The following PREX1 variants were observed in gnomAD, a reference collection of about 807,000 sequenced individuals.
The protein encoded by PREX1 is phosphatidylinositol-3,4,5-trisphosphate dependent Rac exchange factor 1.
In PREX1, 41 loss-of-function variants were observed where a neutral mutation model predicts 198.3. The observed-to-expected ratio is 0.21, with a 90% CI of 0.16 to 0.27. The LOEUF (loss-of-function observed/expected upper bound fraction) is 0.27. Ranked by LOEUF, PREX1 falls within the 10% of genes least tolerant of loss-of-function variation. The probability of loss-of-function intolerance (pLI) is 1.00; values close to 1 mark genes in which losing one functional copy is unlikely to be tolerated. For missense variants in PREX1, 1,620 were observed against 2,200.7 expected (o/e 0.74, Z 5.28); for synonymous variants, 843 against 887.2 (o/e 0.95, Z 0.89).
At chr20:48,750,290 T>TA (rs1276496123) in intron 1 of PREX1, among the ~76,000 whole-genome samples, 1 of 152,032 alleles carries the variant, frequency 6.6e-6, no homozygotes, top group Non-Finnish European at 1.5e-5. Flanking sequence ...TCCCTCCTGG[T>TA]CCCCTTCACC....
chr20:48,676,022 G>A (rs368257556), intron 14 of PREX1, among the ~76,000 whole-genome samples, 171 bp downstream of exon 14: 64 of 150,950 alleles, frequency 4.2e-4, no homozygotes, highest in African/African-American at 1.5e-3. Flanking sequence ...GGGTGCCAGA[G>A]CAAGACTCTG....
At chr20:48,819,228 G>A (rs1043781837) in intron 1 of PREX1, among the ~76,000 whole-genome samples, 1 of 152,042 alleles carries the variant, frequency 6.6e-6, no homozygotes. Context: ...AGGCCCATGC[G>A]ACCTGGACCC....
chr20:48,826,459 C>T (rs2090509318), intron 1 of PREX1, among the ~76,000 whole-genome samples: 1 of 152,120 alleles, frequency 6.6e-6, no homozygotes, highest in African/African-American at 2.4e-5. Context: ...TTTAGAACAC[C>T]AGCTGGGATA....
chr20:48,709,908 T>G lies in PREX1; in HGVS notation c.622-1487A>C, dbSNP rs184931107. Among the ~76,000 whole-genome samples, 453 of 151,864 alleles carry G rather than the reference T, an allele frequency of 3.0e-3. 5 individuals are homozygous for G. The highest frequency in any genetic ancestry group is 1.8e-3 in the Non-Finnish European group (123 of 68,038). On this transcript the variant is annotated intron_variant, in intron 5 of 39. Coordinates refer to ENST00000371941, the MANE Select transcript of PREX1 (RefSeq NM_020820.4). Reference sequence around the variant, plus strand: ...CTTCATTCACTTATTTTCTTCCCTGTCCGAAAACAAACATCCTATTTTCTG... The same window carrying G: ...CTTCATTCACTTATTTTCTTCCCTGGCCGAAAACAAACATCCTATTTTCTG...
intron 10 of PREX1, 64 bp downstream of exon 10, chr20:48,688,593 A>T: frequency 6.3e-7 from 1 of 1,599,608 alleles, no homozygotes; most frequent in Non-Finnish European, 8.5e-7. Flanking sequence ...GTGGATGGGG[A>T]TGATCTGCCC....
At chr20:48,659,138 G>C (rs2089568926) in intron 16 of PREX1, among the ~76,000 whole-genome samples, 1 of 139,582 alleles carries the variant, frequency 7.2e-6, no homozygotes, top group African/African-American at 2.6e-5. Flanking sequence ...CAGAGGAGAG[G>C]AGAGAGGAGA....
chr20:48,767,910 C>T (rs932666230), intron 1 of PREX1, among the ~76,000 whole-genome samples: 1 of 152,188 alleles, frequency 6.6e-6, no homozygotes, highest in Non-Finnish European at 1.5e-5. Flanking sequence ...CCCTCTACCT[C>T]GATAATCTGT....
intron 30 of PREX1, 32 bp from the exon 31 acceptor site, chr20:48,637,784 G>C: frequency 6.3e-7 from 1 of 1,589,418 alleles, no homozygotes; most frequent in Non-Finnish European, 8.6e-7. Context: ...AAAGGGGGAC[G>C]GGCTGGGAGG....
At chr20:48,833,444 T>TC in the PREX1 span, among the ~76,000 whole-genome samples, 1 of 11,842 alleles carries the variant, frequency 8.4e-5, no homozygotes, top group East Asian at 1.2e-3. Flanking sequence ...CTTTTCTTTC[T>TC]TTTTTTTTTT....
At chr20:48,655,951 A>T (rs2089539744) in intron 18 of PREX1, among the ~76,000 whole-genome samples, 1 of 151,964 alleles carries the variant, frequency 6.6e-6, no homozygotes. Context: ...TATGCTGCAC[A>T]ATTGTCCCTC....
chr20:48,647,232 C>T (rs547070743), intron 25 of PREX1, among the ~76,000 whole-genome samples: 34 of 151,962 alleles, frequency 2.2e-4, no homozygotes, highest in Non-Finnish European at 3.8e-4. Flanking sequence ...GTGCTCAGAA[C>T]AGTGTCTCTG....
the PREX1 span, among the ~76,000 whole-genome samples, chr20:48,861,411 T>C: frequency 2.0e-5 from 3 of 152,214 alleles, no homozygotes; most frequent in Non-Finnish European, 4.4e-5. Context: ...GATATCCCAT[T>C]AGAAGGTCCG....
chr20:48,730,445 ACACG>A (rs1340471453), intron 4 of PREX1, among the ~76,000 whole-genome samples: 1,724 of 150,932 alleles, frequency 0.011, 28 homozygotes, highest in African/African-American at 0.039. Context: ...ACACACACAC[ACACG>A]CACATCCTGA....
At chr20:48,790,131 G>C (rs889169480) in intron 1 of PREX1, among the ~76,000 whole-genome samples, 1 of 152,160 alleles carries the variant, frequency 6.6e-6, no homozygotes, top group Non-Finnish European at 1.5e-5. Context: ...AAACCTCTCT[G>C]TGCCCCAGTC....
intron 1 of PREX1, among the ~76,000 whole-genome samples, chr20:48,781,077 T>C (rs1282836844): frequency 6.6e-6 from 1 of 152,086 alleles, no homozygotes; most frequent in Admixed American, 6.6e-5. Context: ...GTCAAGGTCA[T>C]GAAAGGCAAA....
At chr20:48,701,275 G>C (rs983324733) in intron 6 of PREX1, among the ~76,000 whole-genome samples, 28 of 152,210 alleles carry the variant, frequency 1.8e-4, no homozygotes, top group African/African-American at 6.7e-4. Flanking sequence ...GCAATGGCGC[G>C]ATCTCGGCTC....
rs374933559 is a variant in PREX1 at position 48,801,883 on chromosome 20, CA to C, written c.219+25758del. On this transcript the variant is annotated intron_variant, in intron 1 of 39. Transcript: ENST00000371941. ...CTCTGGGGAGTCTGGATTAGTTCCC[CA>C]AGAGTGGGTTGTTATAAAGCCAAGA... 1.5e-3 allele frequency among the ~76,000 whole-genome samples: 234 copies of C among 152,220 alleles called. 1 individual carries two copies. The highest frequency in any genetic ancestry group is 5.2e-3 in the African/African-American group (217 of 41,530).
intron 29 of PREX1, among the ~76,000 whole-genome samples, chr20:48,640,885 G>T (rs998623625): frequency 2.2e-5 from 3 of 135,956 alleles, no homozygotes; most frequent in African/African-American, 7.9e-5. Flanking sequence ...ATGGATGGGT[G>T]GGTGGGTGGG....
Position 48,703,647 on chromosome 20 carries a change from A to G in PREX1, c.784-2761T>C, listed in dbSNP as rs990743557. ...AGGGGAAGTTGAAGAAGAATCTGGT[A>G]CCTGGCCCAGCTGCCAAGCCCCAAG... On this transcript the variant is annotated intron_variant, in intron 6 of 39. Transcript: ENST00000371941. Among the ~76,000 whole-genome samples, 209 of 151,864 alleles carry G rather than the reference A, an allele frequency of 1.4e-3. 1 individual carries two copies. The highest frequency in any genetic ancestry group is 2.3e-3 in the Non-Finnish European group (153 of 67,978).
Sources: gnomAD v4.1 joint callset for allele counts (sites outside exome capture counted in the v4.1 genomes callset) on GRCh38, gnomAD v4.1.1 for gene constraint, MANE v1.5 for transcripts, NCBI Gene and HGNC (gene_info 2026-07-23, HGNC 2026-07-21) for gene names.